Variants in IGSF10 observed in about 807,000 individuals in gnomAD.
IGSF10 encodes calvaria mechanical force protein 608.
IGSF10 carries 126 observed loss-of-function variants against 128.2 expected under a neutral mutation model. The observed-to-expected ratio is 0.98, with a 90% CI of 0.85 to 1.14. IGSF10 has a LOEUF of 1.14. IGSF10 is among the 50% of genes most tolerant of loss of function. The pLI, the probability that IGSF10 is intolerant of heterozygous loss-of-function variation, is 0.00. For synonymous variants in IGSF10, 1,185 were observed against 1,146.2 expected, an observed-to-expected ratio of 1.03 and a Z score of -0.68; for missense variants, 3,295 against 3,149.8, an observed-to-expected ratio of 1.05 and a Z score of -1.10.
the IGSF10 span, among the ~76,000 whole-genome samples, chr3:151,616,033 C>T: frequency 6.8e-6 from 1 of 147,734 alleles, no homozygotes; most frequent in African/African-American, 2.5e-5. Context: ...GGCGTGATCT[C>T]GGCTCACCAC....
At chr3:151,587,769 C>T in the IGSF10 span, among the ~76,000 whole-genome samples, 2 of 152,298 alleles carry the variant, frequency 1.3e-5, no homozygotes, top group Non-Finnish European at 2.9e-5. Flanking sequence ...CTTTCCTGCA[C>T]TGTTCTCATG....
chr3:151,606,696 A>C, the IGSF10 span, among the ~76,000 whole-genome samples: 1 of 152,204 alleles, frequency 6.6e-6, no homozygotes, highest in Non-Finnish European at 1.5e-5. Context: ...CTGAGAAAGT[A>C]GCATGGAGAT....
At chr3:151,498,103 A>AT in the IGSF10 span, among the ~76,000 whole-genome samples, 6 of 152,190 alleles carry the variant, frequency 3.9e-5, no homozygotes, top group African/African-American at 1.4e-4. Flanking sequence ...TAGATATACA[A>AT]TCATGTCATC....
chr3:151,537,073 G>C, the IGSF10 span, among the ~76,000 whole-genome samples: 1 of 152,264 alleles, frequency 6.6e-6, no homozygotes, highest in African/African-American at 2.4e-5. Flanking sequence ...GGGATGATTT[G>C]CAAGGATTTA....
At chr3:151,561,119 A>G in the IGSF10 span, among the ~76,000 whole-genome samples, 1 of 152,190 alleles carries the variant, frequency 6.6e-6, no homozygotes, top group Non-Finnish European at 1.5e-5. Flanking sequence ...TGTCAAACAT[A>G]TTAGTGCAAT....
the IGSF10 span, among the ~76,000 whole-genome samples, chr3:151,619,297 G>A: frequency 6.6e-6 from 1 of 151,914 alleles, no homozygotes; most frequent in Admixed American, 6.6e-5. Context: ...CTCAAGCATC[G>A]TATTACTTCA....
At chr3:151,546,115 T>C in the IGSF10 span, among the ~76,000 whole-genome samples, 9 of 151,378 alleles carry the variant, frequency 5.9e-5, no homozygotes, top group African/African-American at 2.2e-4. Flanking sequence ...CCAGCTTTAG[T>C]GCAGTGGTTC....
At chr3:151,602,874 G>A in the IGSF10 span, among the ~76,000 whole-genome samples, 1 of 152,134 alleles carries the variant, frequency 6.6e-6, no homozygotes, top group Non-Finnish European at 1.5e-5. Flanking sequence ...TATATTGTTT[G>A]GAGTTTTTCT....
chr3:151,527,427 A>AT, the IGSF10 span, among the ~76,000 whole-genome samples: 6 of 152,168 alleles, frequency 3.9e-5, no homozygotes, highest in Admixed American at 6.5e-5. Context: ...TCGATAATGG[A>AT]TTTTTTATAT....
chr3:151,436,712 C>T lies in IGSF10; in HGVS notation c.7849G>A (p.Ala2617Thr). 6 of 1,609,828 alleles carry T rather than the reference C, an allele frequency of 3.7e-6. No homozygotes were observed. Among genetic ancestry groups the T allele is most frequent in the Non-Finnish European group, 5.1e-6 (6 of 1,177,884 alleles). ...TGTCAGATTACTTGAATATACGTTG[C>T]TGCATAATCACTACCAAGTGGGTTC... ...AKNPLGSDYA[A>T]TYIQVI The change falls in exon 8 of 8, where the codon GCA (alanine) becomes ACA (threonine). Residue 2617 changes from alanine (A) to threonine (T), a missense_variant. Transcript: ENST00000282466.
chr3:151,500,619 G>C, the IGSF10 span, among the ~76,000 whole-genome samples: 1 of 152,118 alleles, frequency 6.6e-6, no homozygotes, highest in Non-Finnish European at 1.5e-5. Flanking sequence ...TCTACAAGCA[G>C]GTATTATCAT....
chr3:151,518,030 ACT>A, the IGSF10 span, among the ~76,000 whole-genome samples: 1 of 151,824 alleles, frequency 6.6e-6, no homozygotes, highest in African/African-American at 2.4e-5. Flanking sequence ...ATGACTAATC[ACT>A]CTCTCCAAAT....
At chr3:151,432,723 AT>A, downstream of IGSF10, 1 of 1,592,830 alleles carries the variant, frequency 6.3e-7, no homozygotes, top group East Asian at 2.2e-5. Context: ...TGTGTCTGTA[AT>A]TTTGGTTCAA....
chr3:151,538,327 C>T, the IGSF10 span, among the ~76,000 whole-genome samples: 2 of 152,128 alleles, frequency 1.3e-5, no homozygotes, highest in African/African-American at 2.4e-5. Context: ...TAACTAAAAG[C>T]TTAAAAAGGC....
chr3:151,435,959 A>G (rs1173821712), downstream of IGSF10: 7 of 152,192 alleles, frequency 4.6e-5, no homozygotes, highest in Admixed American at 1.3e-4. Flanking sequence ...GGGGTGCCTG[A>G]GCTAGATTTT....
chr3:151,462,138 AATACTC>A (rs1367271595), upstream of IGSF10, among the ~76,000 whole-genome samples: 1 of 152,138 alleles, frequency 6.6e-6, no homozygotes, highest in East Asian at 1.9e-4. Flanking sequence ...TGGGGCTCCC[AATACTC>A]ATAAACACTG....
intron 2 of IGSF10, among the ~76,000 whole-genome samples, chr3:151,459,912 T>A (rs1721973968): frequency 6.6e-6 from 1 of 152,232 alleles, no homozygotes. Flanking sequence ...CTGCTTGGAT[T>A]TTCATACAGA....
chr3:151,547,460 G>C, the IGSF10 span, among the ~76,000 whole-genome samples: 1,687 of 128,554 alleles, frequency 0.013, 23 homozygotes, highest in African/African-American at 0.047. Context: ...ACACACACAC[G>C]TTATTCAAAA....
chr3:151,456,698 C>T (rs1721813436), intron 4 of IGSF10, among the ~76,000 whole-genome samples: 2 of 152,142 alleles, frequency 1.3e-5, no homozygotes, highest in Non-Finnish European at 2.9e-5. Context: ...CTAAGATAGT[C>T]ATTACTTTTA....
Sources: gnomAD v4.1 joint callset for allele counts (sites outside exome capture counted in the v4.1 genomes callset) on GRCh38, gnomAD v4.1.1 for gene constraint, MANE v1.5 for transcripts, NCBI Gene and HGNC (gene_info 2026-07-23, HGNC 2026-07-21) for gene names.